Variants in AGBL1 observed in about 807,000 individuals in gnomAD.
The protein encoded by AGBL1 is AGBL carboxypeptidase 1, also known as cytosolic carboxypeptidase 4.
A neutral mutation model predicts 118.9 loss-of-function variants in AGBL1; 130 were observed. The ratio of observed to expected loss-of-function variants is 1.09; its 90% CI spans 0.95 to 1.26. AGBL1 has a LOEUF of 1.26. AGBL1 is among the 50% of genes most tolerant of loss of function. The pLI, the probability that AGBL1 is intolerant of heterozygous loss-of-function variation, is 0.00. For missense variants in AGBL1, 1,584 were observed against 1,298.1 expected (o/e 1.22, Z -3.38); for synonymous variants, 555 against 478.9 (o/e 1.16, Z -2.08).
chr15:86,140,103 T>G (rs999329949), intron 1 of AGBL1: 2 of 182,144 alleles, frequency 1.1e-5, no homozygotes, highest in African/African-American at 4.7e-5. Context: ...TGGGTGCCCC[T>G]CCCAGAGTCA....
intron 19 of AGBL1, among the ~76,000 whole-genome samples, chr15:86,532,558 G>A (rs1405923205): frequency 4.4e-5 from 6 of 137,536 alleles, no homozygotes; most frequent in East Asian, 4.5e-4. Context: ...CAGATTCAAC[G>A]CCATCCCCAT....
intron 18 of AGBL1, among the ~76,000 whole-genome samples, chr15:86,436,838 C>T (rs774466845): frequency 6.6e-6 from 1 of 152,144 alleles, no homozygotes; most frequent in Non-Finnish European, 1.5e-5. Context: ...TAAGGAACTG[C>T]TTATGGTTCT....
At chr15:86,321,944 GTT>G (rs1274949285) in intron 17 of AGBL1, among the ~76,000 whole-genome samples, 1 of 151,786 alleles carries the variant, frequency 6.6e-6, no homozygotes, top group Non-Finnish European at 1.5e-5. Flanking sequence ...AATATGTGAA[GTT>G]TTTCAAGTAT....
intron 22 of AGBL1, among the ~76,000 whole-genome samples, chr15:86,786,057 G>C (rs2078407770): frequency 6.6e-6 from 1 of 152,148 alleles, no homozygotes; most frequent in African/African-American, 2.4e-5. Flanking sequence ...CTTCTTTTCA[G>C]AGACTTTTTG....
chr15:86,130,694 A>G (rs1229959868), intron 1 of AGBL1, among the ~76,000 whole-genome samples: 1 of 152,180 alleles, frequency 6.6e-6, no homozygotes, highest in Non-Finnish European at 1.5e-5. Flanking sequence ...TTCCAAATTC[A>G]GTTTTTAGAA....
chr15:86,528,327 G>C (rs573303643), intron 19 of AGBL1, among the ~76,000 whole-genome samples: 117 of 152,324 alleles, frequency 7.7e-4, no homozygotes, highest in African/African-American at 2.4e-3. Context: ...TTCCCTCTCC[G>C]AGTCAAAGAA....
chr15:86,295,629 C>A, intron 17 of AGBL1: 1 of 385,726 alleles, frequency 2.6e-6, no homozygotes, highest in Non-Finnish European at 4.6e-6. Flanking sequence ...TTCAAACTGT[C>A]CGGCAGATGA....
At chr15:86,905,603 A>G (rs11634273) in intron 22 of AGBL1, among the ~76,000 whole-genome samples, 1 of 152,218 alleles carries the variant, frequency 6.6e-6, no homozygotes, top group Admixed American at 6.5e-5. Context: ...CTGCTAGACA[A>G]TATCCATGTG....
At chr15:86,559,735 A>G (rs1343370782) in intron 21 of AGBL1, among the ~76,000 whole-genome samples, 1 of 152,042 alleles carries the variant, frequency 6.6e-6, no homozygotes, top group African/African-American at 2.4e-5. Context: ...AGAGAAGTTA[A>G]GTAACTTGCT....
intron 6 of AGBL1, 35 bp downstream of exon 6, chr15:86,224,986 C>G: frequency 2.5e-6 from 4 of 1,608,050 alleles, no homozygotes; most frequent in Non-Finnish European, 3.4e-6. Context: ...CTATTTCTCT[C>G]CACTCTGGGT....
At chr15:86,093,652 T>C (rs1243695271) in intron 1 of AGBL1, among the ~76,000 whole-genome samples, 1 of 152,114 alleles carries the variant, frequency 6.6e-6, no homozygotes, top group African/African-American at 2.4e-5. Context: ...GCTCAATAGA[T>C]AGGTTTAACT....
In AGBL1 at chr15:86,191,868, A is replaced by G. The variant is rs2077727063; in HGVS notation, c.488+32842A>G. 2.6e-5 allele frequency among the ~76,000 whole-genome samples: 4 copies of G among 151,404 alleles called. No homozygotes were observed. The South Asian group carries it at 8.4e-4, about 32-fold the overall frequency. ...AGGCAGGAAGATTGAGGCCAGGAGTATGAGACCAAGCCTGGGCAACATAGA... is the reference window on the plus strand; with the variant it reads ...AGGCAGGAAGATTGAGGCCAGGAGTGTGAGACCAAGCCTGGGCAACATAGA... On this transcript the variant is annotated intron_variant, in intron 5 of 22. Transcript: ENST00000614907.
At chr15:86,570,116 A>G (rs770880425) in intron 21 of AGBL1, among the ~76,000 whole-genome samples, 2 of 134,602 alleles carry the variant, frequency 1.5e-5, no homozygotes, top group Non-Finnish European at 3.3e-5. Flanking sequence ...GCATTTCCAT[A>G]CAAATGTTCT....
At chr15:86,406,344 G>A (rs893135375) in intron 18 of AGBL1, among the ~76,000 whole-genome samples, 3 of 152,104 alleles carry the variant, frequency 2.0e-5, no homozygotes, top group African/African-American at 7.2e-5. Context: ...TCTATTTACC[G>A]AGTGCTCAAC....
At chr15:86,751,778 C>A (rs2077857044) in intron 22 of AGBL1, among the ~76,000 whole-genome samples, 1 of 152,044 alleles carries the variant, frequency 6.6e-6, no homozygotes, top group Non-Finnish European at 1.5e-5. Flanking sequence ...ATGTGTATTT[C>A]TTAAGATGCT....
intron 1 of AGBL1, among the ~76,000 whole-genome samples, chr15:86,131,565 T>C (rs1226523788): frequency 1.3e-5 from 2 of 152,212 alleles, no homozygotes; most frequent in East Asian, 3.9e-4. Context: ...ATGATAAGAA[T>C]AATGATATCT....
intron 18 of AGBL1, among the ~76,000 whole-genome samples, chr15:86,496,378 T>G (rs2082855703): frequency 6.6e-6 from 1 of 152,046 alleles, no homozygotes; most frequent in Non-Finnish European, 1.5e-5. Context: ...GTCTCAGGTA[T>G]TCTTTATAGC....
At chr15:87,006,186 C>G (rs571615980) in intron 24 of AGBL1, among the ~76,000 whole-genome samples, 1 of 152,208 alleles carries the variant, frequency 6.6e-6, no homozygotes, top group Non-Finnish European at 1.5e-5. Context: ...AGATCTCCAG[C>G]TGCATGCTGG....
At chr15:86,396,243 G>A (rs112442068) in intron 17 of AGBL1, among the ~76,000 whole-genome samples, 3,059 of 126,582 alleles carry the variant, frequency 0.024, 40 homozygotes, top group South Asian at 0.033. Context: ...GTGTGTGTGT[G>A]TATATATATA....
Sources: allele counts gnomAD v4.1 joint callset (sites outside exome capture counted in the v4.1 genomes callset), GRCh38; gene constraint gnomAD v4.1.1; transcripts MANE v1.5; gene names NCBI Gene and HGNC (gene_info 2026-07-23, HGNC 2026-07-21).